Variants in TNFAIP8L3 observed in about 807,000 individuals in gnomAD.
The protein encoded by TNFAIP8L3 is tumor necrosis factor alpha-induced protein 8-like protein 3.
In TNFAIP8L3, 7 loss-of-function variants were observed where a neutral mutation model predicts 11.8. That is an observed-to-expected ratio of 0.59 (90% CI 0.34 to 1.11). The LOEUF (loss-of-function observed/expected upper bound fraction) is 1.11. TNFAIP8L3 is among the 50% of genes most tolerant of loss of function. TNFAIP8L3 has a pLI of 0.03. For synonymous variants in TNFAIP8L3, 98 were observed against 103.8 expected (o/e 0.94, Z 0.34); for missense variants, 219 against 258.6 (o/e 0.85, Z 1.05).
At chr15:51,058,780 AC>A (rs2140961554) in intron 1 of TNFAIP8L3, among the ~76,000 whole-genome samples, 1 of 152,336 alleles carries the variant, frequency 6.6e-6, no homozygotes, top group African/African-American at 2.4e-5. Context: ...AGAACACTCT[AC>A]CACTGCTGTC....
chr15:51,098,033 G>T (rs2140985353), upstream of TNFAIP8L3, among the ~76,000 whole-genome samples: 1 of 152,242 alleles, frequency 6.6e-6, no homozygotes, highest in East Asian at 1.9e-4. Context: ...AGATATACGA[G>T]TTTCTACCAC....
chr15:51,068,660 GTTT>G (rs113982459), intron 1 of TNFAIP8L3, among the ~76,000 whole-genome samples: 47,950 of 117,494 alleles, frequency 0.41, 7,876 homozygotes, highest in Middle Eastern at 0.48. Context: ...CACCCCTCCT[GTTT>G]TTTTTTTTTT....
Position 51,094,225 on chromosome 15 carries a change from G to T in TNFAIP8L3, c.52+319C>A, listed in dbSNP as rs1321417329. ...AGTTATTTCAAAAGGCAGATGTGTT[G>T]CAACCCTCTCTGCAGCAAACTACAG... On this transcript the variant is annotated intron_variant, in intron 1 of 1. Transcript: ENST00000637513. The surrounding 1 kb of genome is among the most constrained non-coding windows in gnomAD (Gnocchi z 4.4). 6.6e-6 allele frequency among the ~76,000 whole-genome samples: 1 copy of T among 152,190 alleles called. No homozygotes were observed. Among genetic ancestry groups the T allele is most frequent in the Admixed American group, 6.5e-5 (1 of 15,284 alleles).
chr15:51,071,377 T>C (rs2065307999), intron 1 of TNFAIP8L3, among the ~76,000 whole-genome samples: 1 of 152,216 alleles, frequency 6.6e-6, no homozygotes, highest in Non-Finnish European at 1.5e-5. Context: ...CCCTCTCTTC[T>C]GCTTCTAGCT....
At chr15:51,079,897 GAA>G (rs2065380037) in intron 1 of TNFAIP8L3, among the ~76,000 whole-genome samples, 1 of 132,262 alleles carries the variant, frequency 7.6e-6, no homozygotes, top group South Asian at 2.7e-4. Flanking sequence ...AGAAAAAAAA[GAA>G]AAGTCATTCC....
At chr15:51,065,265 G>A (rs1340123259) in intron 1 of TNFAIP8L3, among the ~76,000 whole-genome samples, 1 of 152,206 alleles carries the variant, frequency 6.6e-6, no homozygotes, top group Non-Finnish European at 1.5e-5. Flanking sequence ...GGACTATGTT[G>A]GGAGAATGGT....
chr15:51,078,465 C>G (rs1473061421), intron 1 of TNFAIP8L3, among the ~76,000 whole-genome samples: 1 of 152,046 alleles, frequency 6.6e-6, no homozygotes, highest in Non-Finnish European at 1.5e-5. Flanking sequence ...CCTCCTTAGC[C>G]TCCTCCAGGC....
intron 1 of TNFAIP8L3, among the ~76,000 whole-genome samples, chr15:51,067,042 C>T (rs1393879659): frequency 6.6e-6 from 1 of 152,122 alleles, no homozygotes. Flanking sequence ...AACCTTGATC[C>T]TCCCCTCTCC....
chr15:51,066,073 GAA>G (rs796777612), intron 1 of TNFAIP8L3, among the ~76,000 whole-genome samples: 1 of 137,606 alleles, frequency 7.3e-6, no homozygotes, highest in African/African-American at 2.7e-5. Flanking sequence ...TTGTTAGGGG[GAA>G]AAAAAAAAAC....
chr15:51,068,199 A>T (rs931580087), intron 1 of TNFAIP8L3, among the ~76,000 whole-genome samples: 1 of 152,208 alleles, frequency 6.6e-6, no homozygotes, highest in African/African-American at 2.4e-5. Context: ...GGATGAGTCA[A>T]GGATGACGAT....
chr15:51,076,719 AAGAC>A (rs1164992844), intron 1 of TNFAIP8L3, among the ~76,000 whole-genome samples: 1 of 152,098 alleles, frequency 6.6e-6, no homozygotes, highest in African/African-American at 2.4e-5. Flanking sequence ...CAGGAAGTGG[AAGAC>A]AGAGCCCGGC....
rs1198635642 is a variant in TNFAIP8L3, at chr15:51,074,708, C to T, written c.53-16265G>A. 2.0e-5 allele frequency among the ~76,000 whole-genome samples: 3 copies of T among 152,220 alleles called. No homozygotes were observed. The East Asian group carries it at 5.8e-4, about 29-fold the overall frequency. On this transcript the variant is annotated intron_variant, in intron 1 of 1. Coordinates refer to ENST00000637513, the MANE Select transcript of TNFAIP8L3 (RefSeq NM_001311175.2). ...CAGCCAAACAGTACCAGAAGTCAAG[C>T]CAGCTCTCCCTAAGGGTGCTGCCCT...
intron 1 of TNFAIP8L3, among the ~76,000 whole-genome samples, chr15:51,067,541 T>C (rs1268748101): frequency 2.0e-5 from 3 of 152,338 alleles, no homozygotes; most frequent in South Asian, 4.1e-4. Flanking sequence ...GCTTTACTAA[T>C]ATTTAATACA....
chr15:51,079,905 A>G (rs2065380078), intron 1 of TNFAIP8L3, among the ~76,000 whole-genome samples: 1 of 151,714 alleles, frequency 6.6e-6, no homozygotes, highest in Non-Finnish European at 1.5e-5. Context: ...AAGAAAAGTC[A>G]TTCCACAAGG....
chr15:51,063,760 G>A (rs943158324), intron 1 of TNFAIP8L3, among the ~76,000 whole-genome samples: 1 of 152,340 alleles, frequency 6.6e-6, no homozygotes, highest in African/African-American at 2.4e-5. Flanking sequence ...TATTGACAAT[G>A]AATCAAAATA....
chr15:51,062,398 T>C (rs951405943), intron 1 of TNFAIP8L3, among the ~76,000 whole-genome samples: 1 of 152,212 alleles, frequency 6.6e-6, no homozygotes, highest in African/African-American at 2.4e-5. Flanking sequence ...AGGTTGAGGC[T>C]ACAACAGTGG....
rs750554400 is a variant in TNFAIP8L3 at position 51,105,084 on chromosome 15, C to A, written c.93G>T (p.Gly31=). The change falls in exon 1 of 3, where the codon GGG becomes GGT. Residue 31 remains glycine (G), a synonymous_variant. Transcript: ENST00000327536. ...ACGTGGCATCCCTTGTGCCTTGGGT[C>A]CCTGCATATCCGTTGACCCACAGTT... is the stretch of plus-strand genomic sequence containing the variant. 5 of 1,614,082 alleles carry A rather than the reference C, an allele frequency of 3.1e-6. No individual in the cohort carries two copies. In the Admixed American group the frequency reaches 5.0e-5, roughly 16 times the overall value.
rs2065493706 is a variant in TNFAIP8L3, at chr15:51,094,260, T to A, written c.52+284A>T. ...CTGCAGCAAACTACAGTACGCGGAT[T>A]CCCGAACCCTTCCCCGCCCCCACCC... is the stretch of plus-strand genomic sequence containing the variant. On this transcript the variant is annotated intron_variant, in intron 1 of 1. Transcript: ENST00000637513. This position sits in a 1 kb window ranked among gnomAD's most constrained non-coding sequence, Gnocchi z 4.4. Among the ~76,000 whole-genome samples the A allele has an allele frequency of 2.0e-5, 3 of 152,142 alleles. No homozygotes were observed. Among genetic ancestry groups the A allele is most frequent in the Admixed American group, 2.0e-4 (3 of 15,276 alleles).
At chr15:51,101,250 A>G (rs1457515480) in intron 1 of TNFAIP8L3, among the ~76,000 whole-genome samples, 1 of 152,210 alleles carries the variant, frequency 6.6e-6, no homozygotes, top group Non-Finnish European at 1.5e-5. Flanking sequence ...GCTAATGCCT[A>G]GATTACCTCA....
Sources: gnomAD v4.1 joint callset for allele counts (sites outside exome capture counted in the v4.1 genomes callset) on GRCh38, gnomAD v4.1.1 for gene constraint, Gnocchi (gnomAD v3.1) non-coding constraint, MANE v1.5 for transcripts, NCBI Gene and HGNC (gene_info 2026-07-23, HGNC 2026-07-21) for gene names.